The following KATNIP variants were observed in gnomAD, a reference collection of about 807,000 sequenced individuals.
The protein encoded by KATNIP is katanin-interacting protein.
A neutral mutation model predicts 174.0 loss-of-function variants in KATNIP; 126 were observed. That is an observed-to-expected ratio of 0.72 (90% CI 0.63 to 0.84). KATNIP has a LOEUF of 0.84. Ranked by LOEUF, KATNIP falls within the 40% of genes least tolerant of loss-of-function variation. The pLI is 0.00. For missense variants in KATNIP, 1,958 were observed against 2,109.7 expected (o/e 0.93, Z 1.41); for synonymous variants, 810 against 835.7 (o/e 0.97, Z 0.53).
intron 1 of KATNIP, among the ~76,000 whole-genome samples, chr16:27,564,977 C>A: frequency 6.6e-6 from 1 of 151,692 alleles, no homozygotes; most frequent in African/African-American, 2.4e-5. Flanking sequence ...GTTAGCCAAG[C>A]TGGTCTCAAC....
At chr16:27,645,837 C>T (rs1349980174) in intron 5 of KATNIP, among the ~76,000 whole-genome samples, 1 of 152,162 alleles carries the variant, frequency 6.6e-6, no homozygotes, top group African/African-American at 2.4e-5. Flanking sequence ...GAAGCTCTGC[C>T]TCGTAGACTT....
At chr16:27,582,718 A>T (rs957378521) in intron 2 of KATNIP, among the ~76,000 whole-genome samples, 1 of 152,156 alleles carries the variant, frequency 6.6e-6, no homozygotes, top group South Asian at 2.1e-4. Flanking sequence ...CCTCTATAAG[A>T]TGGGGATGAT....
At chr16:27,708,018 C>T (rs184637314) in intron 12 of KATNIP, among the ~76,000 whole-genome samples, 168 of 148,752 alleles carry the variant, frequency 1.1e-3, no homozygotes, top group Non-Finnish European at 2.0e-3. Flanking sequence ...AAATTCAGCC[C>T]GTAACCTTTT....
chr16:27,721,736 A>C, intron 14 of KATNIP, 41 bp downstream of exon 14: 1 of 1,602,552 alleles, frequency 6.2e-7, no homozygotes. Flanking sequence ...CACTGGGTTG[A>C]TGGAAGCACT....
intron 19 of KATNIP, 55 bp downstream of exon 19, chr16:27,761,645 T>C: frequency 6.8e-7 from 1 of 1,469,140 alleles, no homozygotes; most frequent in Non-Finnish European, 9.5e-7. Context: ...GGGGACATTG[T>C]TCTGCCTCTG....
chr16:27,600,261 G>T (rs1164566022), intron 2 of KATNIP, among the ~76,000 whole-genome samples: 1 of 152,218 alleles, frequency 6.6e-6, no homozygotes, highest in Non-Finnish European at 1.5e-5. Flanking sequence ...ACCAGGGTCA[G>T]AGAGAATGAG....
intron 8 of KATNIP, chr16:27,687,566 A>C (rs1373387436): frequency 6.6e-6 from 1 of 152,164 alleles, no homozygotes; most frequent in East Asian, 1.9e-4. Flanking sequence ...CCCTAGTTCT[A>C]ATGAAAGGGC....
intron 1 of KATNIP, among the ~76,000 whole-genome samples, chr16:27,554,857 G>T (rs2089547566): frequency 7.1e-6 from 1 of 141,614 alleles, no homozygotes; most frequent in East Asian, 2.1e-4. Context: ...ACAGTGGCGT[G>T]ATCTTGGCTC....
intron 6 of KATNIP, among the ~76,000 whole-genome samples, chr16:27,673,500 A>AT (rs1567284307): frequency 6.6e-6 from 1 of 152,162 alleles, no homozygotes; most frequent in African/African-American, 2.4e-5. Context: ...ACCTGGTGTT[A>AT]TTTTTTAAAA....
chr16:27,642,509 G>A (rs1243494960), intron 5 of KATNIP, among the ~76,000 whole-genome samples: 3 of 152,078 alleles, frequency 2.0e-5, no homozygotes, highest in Admixed American at 1.3e-4. Flanking sequence ...CATCCCAGTC[G>A]AGGTAGGAAG....
chr16:27,751,851 GGAGGCCCAGCACGGCCGA>G lies in KATNIP; in HGVS notation c.3480_3497del (p.Arg1160_Asp1166delinsSer). 1 of 1,614,050 alleles carries G rather than the reference GGAGGCCCAGCACGGCCGA, an allele frequency of 6.2e-7. No homozygotes were observed. Among genetic ancestry groups the G allele is most frequent in the Non-Finnish European group, 8.5e-7 (1 of 1,180,052 alleles). On this transcript the variant is annotated inframe_deletion, in exon 17 of 28. Transcript: ENST00000261588. ...AGCCTGCAGGATGAAGAGGCAATGA[GGAGGCCCAGCACGGCCGA>G]CGGCGAGGGGGATGAGCGGCCCTTC... is the stretch of plus-strand genomic sequence containing the variant.
chr16:27,777,843 G>A lies in KATNIP; in HGVS notation c.4713-38G>A. 6.2e-7 allele frequency: 1 copy of A among 1,612,810 alleles called. No individual in the cohort carries two copies. Among genetic ancestry groups the A allele is most frequent in the Non-Finnish European group, 8.5e-7 (1 of 1,178,800 alleles). ...ATGGATGGCTGGGACACACGGCCAG[G>A]AGCCTGATCGAATCTTGTGTTTCCT... On this transcript the variant is annotated intron_variant, in intron 26 of 27. Transcript: ENST00000261588. The surrounding 1 kb of genome is among the most constrained non-coding windows in gnomAD (Gnocchi z 4.4).
At chr16:27,567,933 C>G (rs2090150460) in intron 1 of KATNIP, among the ~76,000 whole-genome samples, 1 of 152,096 alleles carries the variant, frequency 6.6e-6, no homozygotes, top group Non-Finnish European at 1.5e-5. Flanking sequence ...CAGTGCATTC[C>G]AGGATGGGCA....
chr16:27,609,449 G>GGC (rs1367043912), intron 2 of KATNIP, among the ~76,000 whole-genome samples: 1 of 143,618 alleles, frequency 7.0e-6, no homozygotes, highest in African/African-American at 2.6e-5. Flanking sequence ...AAAGTGCAGT[G>GGC]GCGCGATCTC....
chr16:27,601,279 G>T (rs1336657663), intron 2 of KATNIP, among the ~76,000 whole-genome samples: 1 of 152,166 alleles, frequency 6.6e-6, no homozygotes, highest in Non-Finnish European at 1.5e-5. Flanking sequence ...TGATGGGGGA[G>T]GCCATGTGTA....
chr16:27,757,562 C>G, intron 18 of KATNIP: 1 of 981,410 alleles, frequency 1.0e-6, no homozygotes, highest in Non-Finnish European at 1.2e-6. Context: ...ATTTCAGTGC[C>G]TTTGGGAATT....
At chr16:27,645,918 CG>C (rs1428754337) in intron 5 of KATNIP, among the ~76,000 whole-genome samples, 1 of 152,130 alleles carries the variant, frequency 6.6e-6, no homozygotes, top group Non-Finnish European at 1.5e-5. Context: ...GCAATGTGAC[CG>C]TCTTAGTGGG....
In KATNIP at chr16:27,708,932, G is replaced by A. The variant is rs372286484; in HGVS notation, c.1605+12G>A. On this transcript the variant is annotated intron_variant, in intron 13 of 27. Coordinates refer to ENST00000261588, the MANE Select transcript of KATNIP (RefSeq NM_015202.5). ...ACAGGAACTTAGCTGTGAGTGGAAG[G>A]GGCACTGGATTGCTTCTTGGCTGTG... is the stretch of plus-strand genomic sequence containing the variant. 183 of 1,598,778 alleles carry A rather than the reference G, an allele frequency of 1.1e-4. 1 individual carries two copies. The East Asian group carries it at 3.6e-3, about 31-fold the overall frequency.
intron 3 of KATNIP, among the ~76,000 whole-genome samples, chr16:27,619,993 G>A (rs2076147881): frequency 6.6e-6 from 1 of 152,174 alleles, no homozygotes; most frequent in South Asian, 2.1e-4. Flanking sequence ...CTGGGTGATT[G>A]TTTAATCATC....
Sources: allele counts gnomAD v4.1 joint callset (sites outside exome capture counted in the v4.1 genomes callset), GRCh38; gene constraint gnomAD v4.1.1; non-coding constraint Gnocchi (gnomAD v3.1); transcripts MANE v1.5; gene names NCBI Gene and HGNC (gene_info 2026-07-23, HGNC 2026-07-21).